Variants in PGM5 observed in about 807,000 individuals in gnomAD.
PGM5 encodes the protein phosphoglucomutase-like protein 5.
In PGM5, 23 loss-of-function variants were observed where a neutral mutation model predicts 59.2. The observed-to-expected ratio is 0.39, with a 90% CI of 0.28 to 0.55. The LOEUF is 0.55. PGM5 is among the 20% of genes least tolerant of loss of function. The pLI is 0.66. For missense variants in PGM5, 574 were observed against 748.3 expected, an observed-to-expected ratio of 0.77 and a Z score of 2.72; for synonymous variants, 214 against 286.0, an observed-to-expected ratio of 0.75 and a Z score of 2.54.
rs1397449893 is a variant in PGM5, at chr9:68,382,161, A to G, written c.425-2237A>G. Reference sequence around the variant, plus strand: ...AAAACCAAAACAGTATGATACTGGCATAAAAACAGAAACATAGACCAAGGG... The same window carrying G: ...AAAACCAAAACAGTATGATACTGGCGTAAAAACAGAAACATAGACCAAGGG... On this transcript the variant is annotated intron_variant, in intron 2 of 10. Transcript: ENST00000396396. Among the ~76,000 whole-genome samples the G allele has an allele frequency of 7.9e-5, 12 of 152,022 alleles. No homozygotes were observed. The East Asian group carries it at 2.3e-3, about 29-fold the overall frequency.
chr9:68,380,169 A>G (rs548470948), intron 2 of PGM5, among the ~76,000 whole-genome samples: 2 of 152,150 alleles, frequency 1.3e-5, no homozygotes, highest in Non-Finnish European at 2.9e-5. Flanking sequence ...TACATAGAAC[A>G]TTCTCCAGGA....
chr9:68,424,600 G>T (rs1554682585), intron 6 of PGM5, among the ~76,000 whole-genome samples: 1 of 152,202 alleles, frequency 6.6e-6, no homozygotes, highest in Non-Finnish European at 1.5e-5. Context: ...CACAAGAAAT[G>T]TTAATGGGTG....
At chr9:68,435,811 A>G (rs782399503) in intron 6 of PGM5, among the ~76,000 whole-genome samples, 11 of 152,112 alleles carry the variant, frequency 7.2e-5, no homozygotes, top group Non-Finnish European at 1.2e-4. Flanking sequence ...AGTTGCTTAT[A>G]TATATTTTTG....
At chr9:68,424,630 G>A (rs188457519) in intron 6 of PGM5, among the ~76,000 whole-genome samples, 9 of 152,086 alleles carry the variant, frequency 5.9e-5, no homozygotes, top group African/African-American at 2.2e-4. Flanking sequence ...AAGGCAGAAG[G>A]GTTCCATGGA....
At position 68,518,507 on chromosome 9, in the gene PGM5, C is replaced by T. The variant is rs1389033; in HGVS notation, c.1615-11060C>T. ...GTAAAATAGTTATTTTCACTATGTT[C>T]ATGGAAATAAAGCACTGAATGTAAA... On this transcript the variant is annotated intron_variant, in intron 10 of 10. Coordinates refer to ENST00000396396, the MANE Select transcript of PGM5 (RefSeq NM_021965.4). 5.6e-3 allele frequency among the ~76,000 whole-genome samples: 855 copies of T among 152,250 alleles called. 4 individuals carry two copies. Among genetic ancestry groups the T allele is most frequent in the Middle Eastern group, 0.01 (3 of 294 alleles).
intron 6 of PGM5, among the ~76,000 whole-genome samples, chr9:68,421,327 T>C (rs1465677700): frequency 6.6e-6 from 1 of 152,184 alleles, no homozygotes; most frequent in African/African-American, 2.4e-5. Flanking sequence ...AGTTTCCTGA[T>C]GTTGTTTATC....
chr9:68,516,539 G>A (rs1296831622), intron 10 of PGM5, among the ~76,000 whole-genome samples: 4 of 152,306 alleles, frequency 2.6e-5, no homozygotes, highest in South Asian at 2.1e-4. Flanking sequence ...CTCTTCTCCC[G>A]GAGAAGCAGC....
intron 6 of PGM5, among the ~76,000 whole-genome samples, chr9:68,409,846 G>A (rs1174860170): frequency 1.4e-5 from 2 of 145,098 alleles, no homozygotes; most frequent in African/African-American, 5.1e-5. Flanking sequence ...TGCACAATGT[G>A]CATATGTACC....
intron 6 of PGM5, among the ~76,000 whole-genome samples, chr9:68,456,891 G>T (rs1823788530): frequency 6.6e-6 from 1 of 152,102 alleles, no homozygotes; most frequent in South Asian, 2.1e-4. Flanking sequence ...CTCCCAAAGT[G>T]CTGTGATTAC....
At chr9:68,376,015 G>A (rs2777126) in intron 1 of PGM5, among the ~76,000 whole-genome samples, 1 of 152,242 alleles carries the variant, frequency 6.6e-6, no homozygotes, top group Non-Finnish European at 1.5e-5. Context: ...GGAGGGCGAT[G>A]GAGAATGGTA....
intron 6 of PGM5, among the ~76,000 whole-genome samples, chr9:68,414,964 G>C: frequency 6.7e-6 from 1 of 148,204 alleles, no homozygotes. Context: ...TGAAGCATTA[G>C]TTGAAGGGTC....
chr9:68,496,847 G>A (rs1441023338), intron 9 of PGM5: 1 of 152,170 alleles, frequency 6.6e-6, no homozygotes, highest in African/African-American at 2.4e-5. Context: ...GAGTCTGGGG[G>A]CTCATCAGAA....
At chr9:68,489,637 T>C (rs1824356371) in intron 9 of PGM5, among the ~76,000 whole-genome samples, 1 of 151,940 alleles carries the variant, frequency 6.6e-6, no homozygotes, top group Non-Finnish European at 1.5e-5. Context: ...GCTAATTTTT[T>C]TATACCCTTA....
intron 6 of PGM5, among the ~76,000 whole-genome samples, chr9:68,442,454 G>T (rs138287844): frequency 0.01 from 1,593 of 152,212 alleles, 30 homozygotes; most frequent in African/African-American, 0.036. Context: ...ATAGAGATGG[G>T]GTTTCACCAT....
At chr9:68,387,660 G>C in intron 4 of PGM5, 72 bp downstream of exon 4, 1 of 1,453,490 alleles carries the variant, frequency 6.9e-7, no homozygotes, top group Non-Finnish European at 9.5e-7. Context: ...GGTTTCAGAG[G>C]TTAAGAGGAA....
intron 9 of PGM5, among the ~76,000 whole-genome samples, chr9:68,494,110 G>A (rs961243390): frequency 1.4e-4 from 22 of 151,938 alleles, no homozygotes; most frequent in Non-Finnish European, 7.4e-5. Context: ...TCCCTTTTTT[G>A]AGTGTGTGGC....
At chr9:68,376,835 C>CTTTCTTTCT (rs1821920429) in intron 1 of PGM5, among the ~76,000 whole-genome samples, 3 of 58,598 alleles carry the variant, frequency 5.1e-5, no homozygotes, top group South Asian at 4.0e-4. Flanking sequence ...CTTTCTTTCT[C>CTTTCTTTCT]TTTCTTTCTT....
intron 7 of PGM5, among the ~76,000 whole-genome samples, chr9:68,474,381 C>T (rs1382369732): frequency 6.6e-6 from 1 of 152,066 alleles, no homozygotes; most frequent in Admixed American, 6.5e-5. Flanking sequence ...CTGATGTGTC[C>T]ATACTGGTGT....
intron 1 of PGM5, among the ~76,000 whole-genome samples, chr9:68,362,575 T>C (rs1240845831): frequency 3.3e-5 from 5 of 152,214 alleles, no homozygotes; most frequent in Non-Finnish European, 7.3e-5. Flanking sequence ...AAGCTTAGTT[T>C]GTAACTAATT....
Sources: allele counts gnomAD v4.1 joint callset (sites outside exome capture counted in the v4.1 genomes callset), GRCh38; gene constraint gnomAD v4.1.1; transcripts MANE v1.5; gene names NCBI Gene and HGNC (gene_info 2026-07-23, HGNC 2026-07-21).